The following DEUP1 variants were observed in gnomAD, a reference collection of about 807,000 sequenced individuals.
The protein encoded by DEUP1 is deuterosome assembly protein 1.
A neutral mutation model predicts 87.4 loss-of-function variants in DEUP1; 82 were observed. That is an observed-to-expected ratio of 0.94 (90% confidence interval 0.78 to 1.13). The LOEUF (loss-of-function observed/expected upper bound fraction) is 1.13, where lower values mean the gene tolerates loss of function less well. DEUP1 is among the 50% of genes most tolerant of loss of function. The probability of loss-of-function intolerance (pLI) is 0.00; values close to 1 mark genes in which losing one functional copy is unlikely to be tolerated. For missense variants in DEUP1, 663 were observed against 681.5 expected (o/e 0.97, Z 0.30); for synonymous variants, 214 against 222.7 (o/e 0.96, Z 0.35).
rs749098600 is a variant in DEUP1, at chr11:93,385,507, T to C, written c.899T>C (p.Ile300Thr). The C allele has an allele frequency of 8.1e-6, 13 of 1,610,036 alleles. No individual in the cohort carries two copies. In the South Asian group the frequency reaches 1.3e-4, roughly 16 times the overall value. Residue 300 changes from isoleucine (I) to threonine (T), a missense_variant, in exon 8 of 14, where the codon ATA (isoleucine) becomes ACA (threonine). Transcript: ENST00000298050. ...CAATTACACAGAGAATTATTAAAAATAGGAGAGTGCCAAAATGCTCAAGGA... is the reference window on the plus strand; with the variant it reads ...CAATTACACAGAGAATTATTAAAAACAGGAGAGTGCCAAAATGCTCAAGGA... ...RLQLHRELLK[I>T]GECQNAQGNK...
At chr11:93,407,556 A>G (rs1162960021) in intron 11 of DEUP1, among the ~76,000 whole-genome samples, 1 of 152,122 alleles carries the variant, frequency 6.6e-6, no homozygotes, top group Non-Finnish European at 1.5e-5. Context: ...CTGGTAGGAA[A>G]AAGACTAGAA....
intron 13 of DEUP1, among the ~76,000 whole-genome samples, chr11:93,419,125 A>G (rs1032385404): frequency 6.6e-6 from 1 of 151,780 alleles, no homozygotes; most frequent in African/African-American, 2.4e-5. Context: ...TGTCACATGT[A>G]TACATATGTA....
intron 2 of DEUP1, among the ~76,000 whole-genome samples, chr11:93,342,148 G>A (rs1460398270): frequency 6.6e-6 from 1 of 152,112 alleles, no homozygotes; most frequent in Non-Finnish European, 1.5e-5. Context: ...TATAGGGTTA[G>A]GACCTGATTA....
intron 10 of DEUP1, among the ~76,000 whole-genome samples, chr11:93,395,692 T>A (rs1330004838): frequency 6.6e-6 from 1 of 152,000 alleles, no homozygotes; most frequent in Non-Finnish European, 1.5e-5. Flanking sequence ...CAGAAATGAG[T>A]CCTAGAGAAG....
At chr11:93,356,803 T>C (rs1944920369) in intron 3 of DEUP1, 145 bp from the exon 4 acceptor site, 1 of 651,212 alleles carries the variant, frequency 1.5e-6, no homozygotes, top group South Asian at 1.7e-5. Flanking sequence ...TAATTATTGA[T>C]AGCTATTTTA....
In DEUP1 at chr11:93,378,899, G is replaced by A. The variant is rs576765647; in HGVS notation, c.790-6499G>A. Among the ~76,000 whole-genome samples, 7 of 152,218 alleles carry A rather than the reference G, an allele frequency of 4.6e-5. No homozygotes were observed. The South Asian group carries it at 1.4e-3, about 32-fold the overall frequency. ...CAGACACTGCTATGTCTGTCCAAGTGGGAGCTGCAAGTTAGTCCTGCCTCC... is the reference window on the plus strand; with the variant it reads ...CAGACACTGCTATGTCTGTCCAAGTAGGAGCTGCAAGTTAGTCCTGCCTCC... On this transcript the variant is annotated intron_variant, in intron 7 of 13. Coordinates refer to ENST00000298050, the MANE Select transcript of DEUP1 (RefSeq NM_181645.4).
At chr11:93,417,480 G>A (rs905890132) in intron 13 of DEUP1, among the ~76,000 whole-genome samples, 10 of 152,174 alleles carry the variant, frequency 6.6e-5, no homozygotes, top group South Asian at 2.1e-4. Context: ...CAAGGGAAGT[G>A]AAGGACCTCT....
chr11:93,436,527 T>C (rs527655492), intron 13 of DEUP1, among the ~76,000 whole-genome samples: 190 of 152,358 alleles, frequency 1.2e-3, no homozygotes, highest in African/African-American at 4.1e-3. Flanking sequence ...CAGGCTGTGA[T>C]AGTCTTCTCT....
chr11:93,362,427 G>T (rs1018135413), intron 4 of DEUP1, among the ~76,000 whole-genome samples: 2 of 151,798 alleles, frequency 1.3e-5, no homozygotes, highest in African/African-American at 4.8e-5. Flanking sequence ...CTCCAAAGCA[G>T]ATATATGAAT....
intron 1 of DEUP1, among the ~76,000 whole-genome samples, chr11:93,331,110 G>A (rs1378323807): frequency 6.6e-6 from 1 of 152,174 alleles, no homozygotes; most frequent in African/African-American, 2.4e-5. Context: ...CCATTTATTG[G>A]TCTGCTCCTT....
At chr11:93,429,369 T>G (rs1379220964) in intron 13 of DEUP1, among the ~76,000 whole-genome samples, 1 of 152,208 alleles carries the variant, frequency 6.6e-6, no homozygotes, top group Non-Finnish European at 1.5e-5. Flanking sequence ...CTAAGGGGAC[T>G]TTGCAAATTC....
intron 2 of DEUP1, among the ~76,000 whole-genome samples, chr11:93,339,019 A>G (rs1943918284): frequency 6.6e-6 from 1 of 152,236 alleles, no homozygotes; most frequent in African/African-American, 2.4e-5. Context: ...ATGTGCTTTC[A>G]TGGACTCTCC....
At position 93,437,888 on chromosome 11, in the gene DEUP1, G is replaced by C; in HGVS notation, c.*169G>C. 2.0e-6 allele frequency: 1 copy of C among 506,476 alleles called. No homozygotes were observed. 31.4% of individuals were successfully genotyped at this position (506,476 alleles called of 1,614,324 possible). On this transcript the variant is annotated 3_prime_UTR_variant, in exon 14 of 14. Transcript: ENST00000298050. ...AATAGTAAGTATTTTGTTCTATAAA[G>C]CTGTTCACATTTCTGCATTAACATG...
intron 8 of DEUP1, 21 bp downstream of exon 8, chr11:93,385,564 A>T (rs201017552): frequency 3.8e-6 from 6 of 1,563,210 alleles, no homozygotes; most frequent in Middle Eastern, 4.3e-4. Flanking sequence ...TATATTTGAC[A>T]ATCTGAGAGA....
chr11:93,387,677 A>G (rs1946625513), intron 8 of DEUP1, among the ~76,000 whole-genome samples: 2 of 152,142 alleles, frequency 1.3e-5, no homozygotes, highest in African/African-American at 4.8e-5. Flanking sequence ...TTAGCATTCA[A>G]TTCAGCATTC....
At chr11:93,396,744 C>G (rs1184897017) in intron 11 of DEUP1, among the ~76,000 whole-genome samples, 1 of 152,152 alleles carries the variant, frequency 6.6e-6, no homozygotes, top group African/African-American at 2.4e-5. Context: ...TTGTCACTTT[C>G]CCAGTGGATG....
intron 7 of DEUP1, 21 bp downstream of exon 7, chr11:93,371,301 A>T (rs1261517899): frequency 1.2e-6 from 2 of 1,603,072 alleles, no homozygotes; most frequent in Admixed American, 3.4e-5. Context: ...ATTTTTTTTC[A>T]ACTAATATTG....
At chr11:93,378,198 G>A (rs111684549) in intron 7 of DEUP1, among the ~76,000 whole-genome samples, 51 of 152,078 alleles carry the variant, frequency 3.4e-4, no homozygotes, top group African/African-American at 1.2e-3. Flanking sequence ...CCTCAAATAT[G>A]TTTTCCAAAC....
At chr11:93,357,164 C>G (rs1348957456) in intron 4 of DEUP1, 121 bp downstream of exon 4, 22 of 636,934 alleles carry the variant, frequency 3.5e-5, no homozygotes, top group Non-Finnish European at 5.6e-5. Context: ...TAATTATAAG[C>G]TTGGTCATGT....
Sources: gnomAD v4.1 joint callset for allele counts (sites outside exome capture counted in the v4.1 genomes callset) on GRCh38, gnomAD v4.1.1 for gene constraint, MANE v1.5 for transcripts, NCBI Gene and HGNC (gene_info 2026-07-23, HGNC 2026-07-21) for gene names.